The following SMOC1 variants were observed in gnomAD, a reference collection of about 807,000 sequenced individuals.
The protein encoded by SMOC1 is SPARC-related modular calcium-binding protein 1.
Under a neutral mutation model 56.3 loss-of-function variants are expected in SMOC1, and 22 were observed. The ratio of observed to expected loss-of-function variants is 0.39; its 90% confidence interval spans 0.28 to 0.56. The LOEUF (loss-of-function observed/expected upper bound fraction) is 0.56, where lower values mean the gene tolerates loss of function less well. SMOC1 is among the 20% of genes least tolerant of loss of function. The pLI, the probability that SMOC1 is intolerant of heterozygous loss-of-function variation, is 0.61. For missense variants in SMOC1, 509 were observed against 565.4 expected (o/e 0.90, Z 1.01); for synonymous variants, 193 against 215.0 (o/e 0.90, Z 0.89).
chr14:69,982,263 C>G (rs1157904445), intron 5 of SMOC1, among the ~76,000 whole-genome samples: 1 of 152,182 alleles, frequency 6.6e-6, no homozygotes, highest in Non-Finnish European at 1.5e-5. Context: ...TCAAGCTAGT[C>G]TTGGAGAGGG....
rs375559687 is a variant in SMOC1 at position 69,899,380 on chromosome 14, G to T, written c.99+19603G>T. On this transcript the variant is annotated intron_variant, in intron 1 of 11. Coordinates refer to ENST00000361956, the MANE Select transcript of SMOC1 (RefSeq NM_001034852.3). ...GCATCATCCTTTTGGTACTATTCTC[G>T]TGACAGAGTTCTCATGAGATCTGGT... Among the ~76,000 whole-genome samples the T allele has an allele frequency of 2.0e-5, 3 of 152,232 alleles. No homozygotes were observed. The East Asian group carries it at 5.8e-4, about 29-fold the overall frequency.
chr14:69,882,241 C>G (rs990576191), intron 1 of SMOC1, among the ~76,000 whole-genome samples: 3 of 152,146 alleles, frequency 2.0e-5, no homozygotes, highest in African/African-American at 7.2e-5. Context: ...TGGCTTGTTG[C>G]ATTATTCCCT....
intron 1 of SMOC1, among the ~76,000 whole-genome samples, chr14:69,907,438 C>T (rs1305817739): frequency 6.6e-6 from 1 of 152,018 alleles, no homozygotes; most frequent in African/African-American, 2.4e-5. Flanking sequence ...ATAATTTTAC[C>T]TTTCTGAGTC....
At chr14:69,959,986 C>T (rs539990688) in intron 3 of SMOC1, among the ~76,000 whole-genome samples, 57 of 152,282 alleles carry the variant, frequency 3.7e-4, no homozygotes, top group Middle Eastern at 6.8e-3. Flanking sequence ...ATCTTCCTGA[C>T]GTCACCCCTG....
At chr14:69,966,904 T>C (rs1883597587) in intron 3 of SMOC1, among the ~76,000 whole-genome samples, 1 of 152,228 alleles carries the variant, frequency 6.6e-6, no homozygotes, top group Non-Finnish European at 1.5e-5. Context: ...TCCTTAGTTC[T>C]AGCACTCATT....
rs530182919 is a variant in SMOC1, at chr14:69,962,482, T to C, written c.378+8950T>C. On this transcript the variant is annotated intron_variant, in intron 3 of 11. Coordinates refer to ENST00000361956, the MANE Select transcript of SMOC1 (RefSeq NM_001034852.3). ...CATTAGGTACCAGACTCATCAGATA[T>C]ATGATTCACAAATATTTTCTCCCAT... Among the ~76,000 whole-genome samples, 7 of 151,642 alleles carry C rather than the reference T, an allele frequency of 4.6e-5. No homozygotes were observed. In the South Asian group the frequency reaches 1.5e-3, roughly 32 times the overall value.
chr14:69,942,226 G>T (rs1195567400), intron 1 of SMOC1, among the ~76,000 whole-genome samples: 3 of 151,934 alleles, frequency 2.0e-5, no homozygotes, highest in Admixed American at 6.6e-5. Flanking sequence ...AGCTTGTAGG[G>T]GCAGGGCCTG....
intron 1 of SMOC1, among the ~76,000 whole-genome samples, chr14:69,936,004 G>A (rs972365364): frequency 2.6e-5 from 4 of 152,156 alleles, no homozygotes; most frequent in Non-Finnish European, 5.9e-5. Context: ...TTGTCCTAAG[G>A]GCATCTTTCA....
At chr14:69,979,845 A>G (rs554734354) in intron 5 of SMOC1, among the ~76,000 whole-genome samples, 25 of 152,278 alleles carry the variant, frequency 1.6e-4, no homozygotes, top group South Asian at 1.5e-3. Flanking sequence ...AAAATTGTCA[A>G]TCATGCAAAA....
chr14:69,975,094 A>C (rs187446892), intron 3 of SMOC1, among the ~76,000 whole-genome samples: 1 of 152,320 alleles, frequency 6.6e-6, no homozygotes, highest in African/African-American at 2.4e-5. Flanking sequence ...CTGTAATCCC[A>C]GTACTTTGGG....
chr14:69,997,969 C>G (rs146024591), intron 7 of SMOC1, among the ~76,000 whole-genome samples: 19 of 151,880 alleles, frequency 1.3e-4, no homozygotes, highest in African/African-American at 4.1e-4. Context: ...TTCTTTTACA[C>G]CCCACACATC....
At chr14:69,984,709 G>T (rs1884303256) in intron 5 of SMOC1, among the ~76,000 whole-genome samples, 1 of 151,222 alleles carries the variant, frequency 6.6e-6, no homozygotes, top group Admixed American at 6.6e-5. Flanking sequence ...ACAAAAATTA[G>T]CCAGGCATGG....
At chr14:69,971,432 T>C (rs12589352) in intron 3 of SMOC1, among the ~76,000 whole-genome samples, 32,665 of 152,116 alleles carry the variant, frequency 0.21, 4,430 homozygotes, top group East Asian at 0.39. Flanking sequence ...CTGTTGACAC[T>C]TCAGCCTTCC....
intron 7 of SMOC1, among the ~76,000 whole-genome samples, chr14:69,995,575 C>T (rs1402745957): frequency 2.0e-5 from 3 of 152,196 alleles, no homozygotes; most frequent in Non-Finnish European, 2.9e-5. Flanking sequence ...CCTGGGTTCA[C>T]ATTGTAGCTC....
In SMOC1 at chr14:69,898,763, A is replaced by G. The variant is rs182361895; in HGVS notation, c.99+18986A>G. ...AAAAAATTCCTGATCTAATAATTCC[A>G]ACATCTCAGCCATGTTTGTCTGCTA... On this transcript the variant is annotated intron_variant, in intron 1 of 11. Transcript: ENST00000361956. Among the ~76,000 whole-genome samples the G allele has an allele frequency of 1.3e-3, 203 of 152,306 alleles. No homozygotes were observed. The Middle Eastern group carries it at 0.024, about 18-fold the overall frequency.
At position 69,912,813 on chromosome 14, in the gene SMOC1, C is replaced by T. The variant is rs144402111; in HGVS notation, c.99+33036C>T. On this transcript the variant is annotated intron_variant, in intron 1 of 11. Transcript: ENST00000361956. ...TTGCATTCTTTCACCCTCCTGGTTG[C>T]GTCCCTCCTCGGGCTGCAGTTTGTC... 3.3e-4 allele frequency among the ~76,000 whole-genome samples: 51 copies of T among 152,266 alleles called. 2 individuals are homozygous for T. Among genetic ancestry groups the T allele is most frequent in the East Asian group, 2.7e-3 (14 of 5,192 alleles).
At chr14:70,019,154 A>C (rs2139606766) in intron 10 of SMOC1, among the ~76,000 whole-genome samples, 1 of 152,318 alleles carries the variant, frequency 6.6e-6, no homozygotes, top group South Asian at 2.1e-4. Flanking sequence ...CCACCTCTGA[A>C]ACTGGGAGAA....
chr14:69,974,357 A>G (rs59949074), intron 3 of SMOC1, among the ~76,000 whole-genome samples: 8,812 of 152,132 alleles, frequency 0.058, 332 homozygotes, highest in African/African-American at 0.096. Flanking sequence ...TTAGGAGTGG[A>G]TGGGAGATGG....
chr14:69,911,186 G>A (rs989908740), intron 1 of SMOC1, among the ~76,000 whole-genome samples: 2 of 152,140 alleles, frequency 1.3e-5, no homozygotes, highest in Admixed American at 6.5e-5. Context: ...GATTTGGATG[G>A]AGAATCCTCT....
Sources: gnomAD v4.1 joint callset for allele counts (sites outside exome capture counted in the v4.1 genomes callset) on GRCh38, gnomAD v4.1.1 for gene constraint, MANE v1.5 for transcripts, NCBI Gene and HGNC (gene_info 2026-07-23, HGNC 2026-07-21) for gene names.